The following LINGO2 variants were observed in gnomAD, a reference collection of about 807,000 sequenced individuals.
LINGO2 encodes leucine rich repeat and Ig domain containing 2.
LINGO2 carries 14 observed loss-of-function variants against 30.6 expected under a neutral mutation model. The ratio of observed to expected loss-of-function variants is 0.46; its 90% CI spans 0.30 to 0.72. LINGO2 has a LOEUF of 0.72. Among genes scored for constraint, LINGO2 ranks in the 30% least tolerant of loss-of-function variants. LINGO2 has a pLI of 0.07. For synonymous variants in LINGO2, 317 were observed against 288.5 expected (o/e 1.10, Z -1.00); for missense variants, 729 against 751.7 (o/e 0.97, Z 0.35).
At chr9:28,457,383 C>G (rs1024193042) in intron 2 of LINGO2, among the ~76,000 whole-genome samples, 10 of 152,042 alleles carry the variant, frequency 6.6e-5, no homozygotes, top group African/African-American at 2.4e-4. Flanking sequence ...AACCTTCAAT[C>G]CTCAATAATG....
chr9:28,654,067 G>A (rs947668556), intron 1 of LINGO2, among the ~76,000 whole-genome samples: 3 of 152,052 alleles, frequency 2.0e-5, no homozygotes, highest in Non-Finnish European at 4.4e-5. Context: ...TGTATATAAT[G>A]ACTTGTCTTC....
intron 4 of LINGO2, among the ~76,000 whole-genome samples, chr9:28,069,134 A>G (rs1279843542): frequency 6.6e-6 from 1 of 152,164 alleles, no homozygotes; most frequent in Non-Finnish European, 1.5e-5. Flanking sequence ...ATTCAGGAAA[A>G]TATTCACTGA....
chr9:29,006,463 G>A, the LINGO2 span, among the ~76,000 whole-genome samples: 1 of 152,012 alleles, frequency 6.6e-6, no homozygotes, highest in African/African-American at 2.4e-5. Context: ...CTGGCATACA[G>A]ACTTTTAAGA....
the LINGO2 span, among the ~76,000 whole-genome samples, chr9:28,761,696 G>A: frequency 8.9e-4 from 136 of 152,064 alleles, 1 homozygote; most frequent in Middle Eastern, 3.4e-3. Context: ...CCTTATATGA[G>A]TAAAAACAAA....
chr9:27,958,964 T>C (rs1319689815), intron 5 of LINGO2, among the ~76,000 whole-genome samples: 2 of 152,210 alleles, frequency 1.3e-5, no homozygotes. Flanking sequence ...TTGATTTCTT[T>C]GGCAGATATT....
At chr9:28,222,295 A>G (rs1414942008) in intron 4 of LINGO2, among the ~76,000 whole-genome samples, 1 of 152,206 alleles carries the variant, frequency 6.6e-6, no homozygotes, top group Non-Finnish European at 1.5e-5. Flanking sequence ...AGTGTAATTT[A>G]AATAGTGCAT....
the LINGO2 span, chr9:27,941,747 C>T: frequency 6.6e-6 from 1 of 152,172 alleles, no homozygotes; most frequent in Non-Finnish European, 1.5e-5. Flanking sequence ...TCACTCTCAG[C>T]CCAAGAGGAG....
intron 1 of LINGO2, among the ~76,000 whole-genome samples, chr9:28,595,851 A>C (rs1389905704): frequency 6.6e-6 from 1 of 152,170 alleles, no homozygotes; most frequent in South Asian, 2.1e-4. Context: ...CAACCAGATA[A>C]TAATAGCTGA....
chr9:28,042,624 T>C (rs1332308443), intron 4 of LINGO2, among the ~76,000 whole-genome samples: 1 of 152,180 alleles, frequency 6.6e-6, no homozygotes, highest in Non-Finnish European at 1.5e-5. Flanking sequence ...CCTACTCTAA[T>C]TCTCATCATG....
chr9:28,782,404 G>C, the LINGO2 span, among the ~76,000 whole-genome samples: 2,322 of 152,230 alleles, frequency 0.015, 41 homozygotes, highest in Admixed American at 0.021. Context: ...CAGACACTGT[G>C]TTATGTGCTG....
chr9:28,143,894 T>C (rs1587074258), intron 4 of LINGO2, among the ~76,000 whole-genome samples: 1 of 87,914 alleles, frequency 1.1e-5, no homozygotes, highest in Admixed American at 1.0e-4. Flanking sequence ...TTATTAGATC[T>C]TTTTGGTTAT....
At chr9:28,512,613 A>G (rs866380697) in intron 1 of LINGO2, among the ~76,000 whole-genome samples, 6 of 10,636 alleles carry the variant, frequency 5.6e-4, no homozygotes, top group Admixed American at 1.8e-3. Context: ...ATATATATAT[A>G]TATATATATA....
At chr9:28,754,763 T>C in the LINGO2 span, among the ~76,000 whole-genome samples, 1 of 151,734 alleles carries the variant, frequency 6.6e-6, no homozygotes, top group African/African-American at 2.4e-5. Flanking sequence ...CCAGAGTAGA[T>C]GGGACTACAG....
At chr9:28,409,620 GGTGTGTGTGTGT>G (rs150611305) in intron 2 of LINGO2, among the ~76,000 whole-genome samples, 3 of 146,312 alleles carry the variant, frequency 2.1e-5, no homozygotes, top group South Asian at 4.4e-4. Flanking sequence ...GATGTGCAGG[GGTGTGTGTGTGT>G]GTGTGTGTGT....
intron 5 of LINGO2, among the ~76,000 whole-genome samples, chr9:28,003,778 C>G (rs1344400922): frequency 1.3e-5 from 2 of 152,112 alleles, no homozygotes; most frequent in Non-Finnish European, 2.9e-5. Flanking sequence ...CTTGATTATA[C>G]CAATTGGTCT....
chr9:28,997,201 A>T, the LINGO2 span, among the ~76,000 whole-genome samples: 2 of 151,218 alleles, frequency 1.3e-5, no homozygotes, highest in Admixed American at 1.3e-4. Context: ...GGCCAAGGTG[A>T]GAGGACTGCT....
chr9:28,458,544 T>C (rs564827541), intron 2 of LINGO2, among the ~76,000 whole-genome samples: 3 of 152,274 alleles, frequency 2.0e-5, no homozygotes, highest in Admixed American at 2.0e-4. Flanking sequence ...TTTTTGCATA[T>C]AAACATACAC....
At chr9:28,761,133 G>T in the LINGO2 span, among the ~76,000 whole-genome samples, 1 of 151,776 alleles carries the variant, frequency 6.6e-6, no homozygotes, top group Non-Finnish European at 1.5e-5. Flanking sequence ...CCAGTAGTGG[G>T]ATTGCTGGAT....
At chr9:28,989,448 G>A in the LINGO2 span, among the ~76,000 whole-genome samples, 893 of 152,272 alleles carry the variant, frequency 5.9e-3, 8 homozygotes, top group African/African-American at 0.021. Context: ...GGTAGTGACT[G>A]AATATGACAA....
Sources: gnomAD v4.1 joint callset for allele counts (sites outside exome capture counted in the v4.1 genomes callset) on GRCh38, gnomAD v4.1.1 for gene constraint, MANE v1.5 for transcripts, NCBI Gene and HGNC (gene_info 2026-07-23, HGNC 2026-07-21) for gene names.